CACNB4: variants seen among roughly 807,000 people sequenced by gnomAD.
CACNB4 encodes voltage-dependent L-type calcium channel subunit beta-4.
CACNB4 carries 32 observed loss-of-function variants against 71.2 expected under a neutral mutation model. That is an observed-to-expected ratio of 0.45 (90% confidence interval 0.34 to 0.60). CACNB4 has a LOEUF of 0.60. Ranked by LOEUF, CACNB4 falls within the 20% of genes least tolerant of loss-of-function variation. The probability of loss-of-function intolerance (pLI) is 0.01; values close to 1 mark genes in which losing one functional copy is unlikely to be tolerated. For synonymous variants in CACNB4, 231 were observed against 236.9 expected (o/e 0.97, Z 0.23); for missense variants, 464 against 647.9 (o/e 0.72, Z 3.08).
At position 151,920,537 on chromosome 2, in the gene CACNB4, A is replaced by C. The variant is rs910678615; in HGVS notation, c.148-37167T>G. ...TTATTTGTAGAGACAGGCTCTTGCT[A>C]TGTTTCCCTGGCTAGTCCTGGCCTC... is the stretch of plus-strand genomic sequence containing the variant. On this transcript the variant is annotated intron_variant, in intron 2 of 13. Transcript: ENST00000539935. Among the ~76,000 whole-genome samples the C allele has an allele frequency of 2.6e-5, 4 of 151,934 alleles. No homozygotes were observed. In the East Asian group the frequency reaches 7.8e-4, roughly 29 times the overall value.
At chr2:151,969,980 A>G (rs893063813) in intron 2 of CACNB4, 9 of 152,204 alleles carry the variant, frequency 5.9e-5, no homozygotes, top group Non-Finnish European at 1.3e-4. Context: ...TTCACAGGAA[A>G]AGATCAGGTC....
chr2:151,865,049 G>C (rs145740216), intron 9 of CACNB4, among the ~76,000 whole-genome samples: 167 of 152,270 alleles, frequency 1.1e-3, no homozygotes, highest in African/African-American at 3.9e-3. Context: ...AATTATTACT[G>C]GTGTTTGAGT....
In CACNB4 at chr2:151,839,297, T is replaced by C. The variant is rs1326752563; in HGVS notation, c.1385A>G (p.Tyr462Cys). 20 of 1,613,676 alleles carry C rather than the reference T, an allele frequency of 1.2e-5. No homozygotes were observed. Among genetic ancestry groups the C allele is most frequent in the Non-Finnish European group, 1.7e-5 (20 of 1,179,560 alleles). ...RRSLMTSDEN[Y>C]HNERARKSRN... The stretch of plus-strand genomic sequence containing the variant: ...ACTCTTCCGAGCCCTTTCATTGTGA[T>C]AATTTTCATCAGAGGTCATTAGACT... Residue 462 changes from tyrosine (Y) to cysteine (C), a missense_variant, in exon 14 of 14, where the codon TAT (tyrosine) becomes TGT (cysteine). Tyr to Cys is a radical substitution (Grantham distance 194). This residue lies in a region of CACNB4 where 115 missense variants were observed against 128.8 expected (regional missense o/e 0.89). Transcript: ENST00000539935.
At chr2:152,045,003 G>C (rs1332260197) in intron 2 of CACNB4, among the ~76,000 whole-genome samples, 3 of 152,154 alleles carry the variant, frequency 2.0e-5, no homozygotes, top group African/African-American at 7.2e-5. Flanking sequence ...ATTTAGTGGA[G>C]AGAAAGGAGG....
At chr2:151,871,857 C>T (rs1013487293) in intron 6 of CACNB4, 3 of 153,254 alleles carry the variant, frequency 2.0e-5, no homozygotes, top group Non-Finnish European at 4.4e-5. Context: ...ATAACTCCAT[C>T]GTTTCCAAAT....
At chr2:151,921,822 G>T (rs113033674) in intron 2 of CACNB4, among the ~76,000 whole-genome samples, 6 of 151,942 alleles carry the variant, frequency 3.9e-5, no homozygotes, top group Non-Finnish European at 7.4e-5. Flanking sequence ...GTGGCACTTC[G>T]CCCTTTTCTC....
At chr2:151,916,080 A>G (rs1251714289) in intron 2 of CACNB4, among the ~76,000 whole-genome samples, 1 of 127,824 alleles carries the variant, frequency 7.8e-6, no homozygotes, top group Non-Finnish European at 1.9e-5. Flanking sequence ...CCAGCCCTCT[A>G]GTCAACTTTG....
chr2:151,898,324 C>G (rs1372529934), intron 2 of CACNB4, among the ~76,000 whole-genome samples: 1 of 152,198 alleles, frequency 6.6e-6, no homozygotes, highest in African/African-American at 2.4e-5. Context: ...CTCTTTATGA[C>G]CCAGTACCCA....
intron 2 of CACNB4, among the ~76,000 whole-genome samples, chr2:152,090,677 T>C (rs1281470067): frequency 6.6e-6 from 1 of 151,222 alleles, no homozygotes; most frequent in Non-Finnish European, 1.5e-5. Flanking sequence ...AGATAAAAAC[T>C]TGAATCAGAA....
intron 11 of CACNB4, 122 bp from the exon 12 acceptor site, chr2:151,853,665 G>T (rs950771762): frequency 1.2e-5 from 7 of 607,266 alleles, no homozygotes; most frequent in Admixed American, 3.6e-5. Context: ...TGCAGTGTGA[G>T]AAATCATATA....
intron 2 of CACNB4, among the ~76,000 whole-genome samples, chr2:152,047,373 C>CA (rs1274753058): frequency 6.6e-6 from 1 of 152,150 alleles, no homozygotes; most frequent in East Asian, 1.9e-4. Context: ...GCCCACAGGC[C>CA]AAACCCTGAC....
intron 11 of CACNB4, 106 bp from the exon 12 acceptor site, chr2:151,853,649 A>G (rs1187420104): frequency 4.7e-6 from 3 of 638,672 alleles, no homozygotes; most frequent in Non-Finnish European, 8.2e-6. Context: ...ATTATCAGAG[A>G]GGAAATGCAG....
intron 2 of CACNB4, among the ~76,000 whole-genome samples, chr2:152,030,423 ATT>A (rs1480469278): frequency 6.6e-6 from 1 of 152,174 alleles, no homozygotes; most frequent in African/African-American, 2.4e-5. Flanking sequence ...ATTTTAGAAA[ATT>A]TTGTTTCCAT....
At chr2:152,048,633 GAC>G (rs1217656503) in intron 2 of CACNB4, 4 of 152,282 alleles carry the variant, frequency 2.6e-5, no homozygotes, top group African/African-American at 7.2e-5. Flanking sequence ...GAGCAGGAGA[GAC>G]AGCTCTCTAC....
At chr2:151,895,120 A>C (rs1431665777) in intron 2 of CACNB4, among the ~76,000 whole-genome samples, 13 of 150,272 alleles carry the variant, frequency 8.7e-5, no homozygotes, top group African/African-American at 3.2e-4. Context: ...ACACACACAC[A>C]CACACACACA....
At chr2:152,017,937 A>G (rs1683437639) in intron 2 of CACNB4, among the ~76,000 whole-genome samples, 1 of 151,368 alleles carries the variant, frequency 6.6e-6, no homozygotes, top group Non-Finnish European at 1.5e-5. Flanking sequence ...GGTTCAAGCG[A>G]TTCTCCTGCC....
chr2:152,013,957 A>G (rs1359399862), intron 2 of CACNB4, among the ~76,000 whole-genome samples: 1 of 152,206 alleles, frequency 6.6e-6, no homozygotes, highest in Admixed American at 6.5e-5. Context: ...TTCACTGGTT[A>G]AGCAAGTCAC....
chr2:152,066,590 T>G (rs1686341511), intron 2 of CACNB4, among the ~76,000 whole-genome samples: 1 of 149,566 alleles, frequency 6.7e-6, no homozygotes, highest in African/African-American at 2.4e-5. Flanking sequence ...GTGTGGCGAT[T>G]CCTCAGGGAT....
chr2:152,099,080 G>T (rs1028246596), upstream of CACNB4: 4 of 1,060,000 alleles, frequency 3.8e-6, no homozygotes, highest in Non-Finnish European at 5.4e-6. Flanking sequence ...AGGCTGGGCT[G>T]CGGACGGAGG....
Sources: allele counts gnomAD v4.1 joint callset (sites outside exome capture counted in the v4.1 genomes callset), GRCh38; gene constraint gnomAD v4.1.1; regional missense constraint gnomAD v4.1.1; transcripts MANE v1.5; gene names NCBI Gene and HGNC (gene_info 2026-07-23, HGNC 2026-07-21).